The following WDR72 variants were observed in gnomAD, a reference collection of about 807,000 sequenced individuals.
The protein encoded by WDR72 is WD repeat-containing protein 72.
WDR72 carries 120 observed loss-of-function variants against 124.2 expected under a neutral mutation model. The ratio of observed to expected loss-of-function variants is 0.97; its 90% CI spans 0.83 to 1.12. The LOEUF is 1.12. Among genes scored for constraint, WDR72 ranks in the 50% most tolerant of loss-of-function variants. The pLI is 0.00. For synonymous variants in WDR72, 452 were observed against 441.7 expected (o/e 1.02, Z -0.29); for missense variants, 1,387 against 1,278.8 (o/e 1.08, Z -1.29).
At chr15:53,717,821 CCT>C (rs1276474517) in intron 3 of WDR72, among the ~76,000 whole-genome samples, 9 of 151,982 alleles carry the variant, frequency 5.9e-5, no homozygotes, top group African/African-American at 2.2e-4. Flanking sequence ...TAGCATTTTC[CCT>C]CTGTTTATAT....
intron 18 of WDR72, among the ~76,000 whole-genome samples, chr15:53,582,766 A>T (rs2011998866): frequency 6.6e-6 from 1 of 152,020 alleles, no homozygotes; most frequent in Non-Finnish European, 1.5e-5. Flanking sequence ...TACCATGAAG[A>T]AATGCAATGA....
At chr15:53,678,636 T>C (rs1018447896) in intron 13 of WDR72, among the ~76,000 whole-genome samples, 1 of 152,218 alleles carries the variant, frequency 6.6e-6, no homozygotes, top group African/African-American at 2.4e-5. Context: ...TCAGCCTTTG[T>C]CCTACCCAAT....
chr15:53,650,592 T>A (rs972299615), intron 14 of WDR72, among the ~76,000 whole-genome samples: 1 of 152,118 alleles, frequency 6.6e-6, no homozygotes, highest in Admixed American at 6.5e-5. Context: ...ATCTTCATAT[T>A]CTGGGCTTTT....
chr15:53,669,595 TTAA>T (rs1195437778), intron 13 of WDR72, among the ~76,000 whole-genome samples: 1 of 152,240 alleles, frequency 6.6e-6, no homozygotes, highest in Non-Finnish European at 1.5e-5. Context: ...TAAACCCTGA[TTAA>T]TACACTATGA....
intron 13 of WDR72, among the ~76,000 whole-genome samples, chr15:53,679,601 C>G (rs1390236626): frequency 1.3e-5 from 2 of 151,936 alleles, no homozygotes; most frequent in Admixed American, 1.3e-4. Flanking sequence ...TACCTGTGAC[C>G]CAGAGCATGG....
intron 13 of WDR72, among the ~76,000 whole-genome samples, chr15:53,682,540 G>A (rs1477403616): frequency 1.3e-5 from 2 of 151,580 alleles, no homozygotes; most frequent in Non-Finnish European, 1.5e-5. Flanking sequence ...ATCTCTTCAC[G>A]GATGCATAAA....
At chr15:53,687,004 T>C (rs1006580143) in intron 13 of WDR72, among the ~76,000 whole-genome samples, 1 of 151,176 alleles carries the variant, frequency 6.6e-6, no homozygotes, top group Admixed American at 6.6e-5. Flanking sequence ...ACATGTTCTT[T>C]GAAACCAACA....
At chr15:53,587,091 G>C (rs2012252114) in intron 18 of WDR72, among the ~76,000 whole-genome samples, 1 of 152,042 alleles carries the variant, frequency 6.6e-6, no homozygotes, top group Non-Finnish European at 1.5e-5. Flanking sequence ...TCAGGCACCA[G>C]AGATGCCAGA....
chr15:53,713,282 C>T lies in WDR72; in HGVS notation c.592-391G>A, dbSNP rs533982003. Reference sequence around the variant, plus strand: ...TCAACAAACATTCTTTGGGGAACTACGGCTGGATGCTGAGAATGTCAAGAT... The same window carrying T: ...TCAACAAACATTCTTTGGGGAACTATGGCTGGATGCTGAGAATGTCAAGAT... On this transcript the variant is annotated intron_variant, in intron 6 of 19. Transcript: ENST00000360509. Among the ~76,000 whole-genome samples the T allele has an allele frequency of 1.8e-4, 27 of 149,334 alleles. 1 individual carries two copies. The South Asian group carries it at 5.3e-3, about 29-fold the overall frequency.
intron 3 of WDR72, among the ~76,000 whole-genome samples, chr15:53,720,254 A>G (rs2017839228): frequency 6.6e-6 from 1 of 152,208 alleles, no homozygotes; most frequent in South Asian, 2.1e-4. Context: ...TAAGGTCTAA[A>G]GTCAATCAAC....
intron 14 of WDR72, among the ~76,000 whole-genome samples, chr15:53,659,493 G>A (rs1440001591): frequency 6.6e-6 from 1 of 152,118 alleles, no homozygotes; most frequent in Admixed American, 6.6e-5. Flanking sequence ...ATTCGGAGTT[G>A]CTTCTGGGTG....
chr15:53,633,133 G>A (rs549761030), intron 14 of WDR72, among the ~76,000 whole-genome samples: 1 of 152,282 alleles, frequency 6.6e-6, no homozygotes, highest in South Asian at 2.1e-4. Flanking sequence ...ATGTTGAAAT[G>A]TAATCCCCAA....
chr15:53,703,389 A>G (rs566751770), intron 11 of WDR72, among the ~76,000 whole-genome samples: 193 of 152,158 alleles, frequency 1.3e-3, no homozygotes, highest in Non-Finnish European at 2.4e-3. Context: ...GAAAAAGCAA[A>G]GCAAAATGTT....
intron 13 of WDR72, among the ~76,000 whole-genome samples, chr15:53,666,596 C>T (rs74015850): frequency 0.014 from 2,144 of 152,218 alleles, 57 homozygotes; most frequent in African/African-American, 0.049. Flanking sequence ...TTATCTCCTA[C>T]TGAATAAAGA....
chr15:53,722,531 T>A (rs913360799), intron 3 of WDR72, among the ~76,000 whole-genome samples: 1 of 152,204 alleles, frequency 6.6e-6, no homozygotes, highest in African/African-American at 2.4e-5. Flanking sequence ...CCTCACCCAG[T>A]AAGAGTGCTA....
At chr15:53,530,024 T>G (rs1260279481) in intron 18 of WDR72, among the ~76,000 whole-genome samples, 2 of 151,778 alleles carry the variant, frequency 1.3e-5, no homozygotes, top group African/African-American at 4.8e-5. Flanking sequence ...TTTCTTTATG[T>G]TCTCCTTTGG....
intron 13 of WDR72, among the ~76,000 whole-genome samples, chr15:53,678,944 T>C (rs2016281097): frequency 6.6e-6 from 1 of 152,222 alleles, no homozygotes; most frequent in African/African-American, 2.4e-5. Flanking sequence ...TAAAATGGTG[T>C]ATACACCTAA....
chr15:53,760,015 C>T (rs1270613717), upstream of WDR72, among the ~76,000 whole-genome samples: 1 of 29,468 alleles, frequency 3.4e-5, no homozygotes, highest in Non-Finnish European at 8.0e-5. Flanking sequence ...GAGGCCTCAA[C>T]CTTTTTTTTT....
intron 18 of WDR72, among the ~76,000 whole-genome samples, chr15:53,544,017 C>A (rs1893313045): frequency 6.6e-6 from 1 of 150,500 alleles, no homozygotes; most frequent in South Asian, 2.1e-4. Flanking sequence ...TGGCAATAAT[C>A]AATAGTTTAC....
Sources: allele counts gnomAD v4.1 joint callset (sites outside exome capture counted in the v4.1 genomes callset), GRCh38; gene constraint gnomAD v4.1.1; transcripts MANE v1.5; gene names NCBI Gene and HGNC (gene_info 2026-07-23, HGNC 2026-07-21).